NEDD8: variants seen among roughly 807,000 people sequenced by gnomAD.
The protein encoded by NEDD8 is ubiquitin-like protein NEDD8.
In NEDD8, 1 loss-of-function variant was observed where a neutral mutation model predicts 13.8. The observed-to-expected ratio is 0.07, with a 90% CI of 0.03 to 0.34. The LOEUF is 0.34. Among genes scored for constraint, NEDD8 ranks in the 10% least tolerant of loss-of-function variants. The pLI is 0.99. For synonymous variants in NEDD8, 31 were observed against 33.2 expected (o/e 0.93, Z 0.23); for missense variants, 10 against 95.2 (o/e 0.10, Z 3.73).
Position 24,218,367 on chromosome 14 carries a change from A to G in NEDD8, c.66+17T>C. 2 of 1,614,208 alleles carry G rather than the reference A, an allele frequency of 1.2e-6. No individual in the cohort carries two copies. The highest frequency in any genetic ancestry group is 1.7e-6 in the Non-Finnish European group (2 of 1,180,040). ...ACATGGCAAGAAGTACATGAAGAGG[A>G]GTTGGGCATGCATCACCTTGTCTGT... On this transcript the variant is annotated intron_variant, in intron 2 of 3. Coordinates refer to ENST00000250495, the MANE Select transcript of NEDD8 (RefSeq NM_006156.3).
intron 3 of NEDD8, chr14:24,217,804 C>T (rs561327002): frequency 3.9e-5 from 9 of 230,510 alleles, no homozygotes; most frequent in African/African-American, 1.6e-4. Context: ...TTATAGGTAT[C>T]TTGAAAATAT....
intron 3 of NEDD8, chr14:24,217,682 A>C: frequency 6.0e-6 from 1 of 167,816 alleles, no homozygotes; most frequent in South Asian, 1.4e-4. Flanking sequence ...CTAACCCCCA[A>C]CTGAAATTTA....
At chr14:24,220,992 G>A (rs954085028) in intron 1 of NEDD8, among the ~76,000 whole-genome samples, 1 of 152,204 alleles carries the variant, frequency 6.6e-6, no homozygotes, top group Non-Finnish European at 1.5e-5. Context: ...TTTAGTACTA[G>A]TATGTTTCCA....
intron 1 of NEDD8, chr14:24,218,873 C>T (rs904034579): frequency 2.3e-5 from 5 of 215,600 alleles, no homozygotes; most frequent in East Asian, 1.3e-4. Flanking sequence ...CAGCCTCCCA[C>T]GTAGCTGGGA....
At chr14:24,222,243 T>C (rs2039821177) in intron 1 of NEDD8, among the ~76,000 whole-genome samples, 1 of 152,106 alleles carries the variant, frequency 6.6e-6, no homozygotes, top group South Asian at 2.1e-4. Context: ...GGTACAATCA[T>C]AGAAAAAAAA....
At chr14:24,219,328 C>A (rs1020256133) in intron 1 of NEDD8, among the ~76,000 whole-genome samples, 8 of 150,830 alleles carry the variant, frequency 5.3e-5, no homozygotes, top group Admixed American at 1.3e-4. Flanking sequence ...ACAACAACAA[C>A]AAAAATTAGC....
At chr14:24,218,843 T>G (rs568631607) in intron 1 of NEDD8, 1 of 228,500 alleles carries the variant, frequency 4.4e-6, no homozygotes, top group East Asian at 1.3e-4. Flanking sequence ...GCCTCCCAGG[T>G]TCAACCAATT....
At chr14:24,229,860 C>A (rs920681309) in intron 1 of NEDD8, among the ~76,000 whole-genome samples, 1 of 152,078 alleles carries the variant, frequency 6.6e-6, no homozygotes, top group Non-Finnish European at 1.5e-5. Context: ...ATCACTAGGT[C>A]AAGAGATCGA....
intron 1 of NEDD8, chr14:24,227,931 C>G (rs1250469369): frequency 6.6e-6 from 1 of 152,032 alleles, no homozygotes; most frequent in East Asian, 1.9e-4. Context: ...CCCACCTCTA[C>G]TAAAAATACA....
intron 1 of NEDD8, among the ~76,000 whole-genome samples, chr14:24,223,260 A>G (rs1455437330): frequency 3.3e-5 from 5 of 151,634 alleles, no homozygotes; most frequent in Non-Finnish European, 4.4e-5. Context: ...AGCCAGGCAT[A>G]GTGGCACAGG....
intron 1 of NEDD8, among the ~76,000 whole-genome samples, chr14:24,220,638 G>A (rs2039791147): frequency 6.6e-6 from 1 of 152,186 alleles, no homozygotes; most frequent in Non-Finnish European, 1.5e-5. Flanking sequence ...CACTTTCTAA[G>A]GGTCAGTAAC....
chr14:24,221,259 C>G (rs548703133), intron 1 of NEDD8, among the ~76,000 whole-genome samples: 34 of 151,440 alleles, frequency 2.2e-4, no homozygotes, highest in African/African-American at 8.2e-4. Context: ...GTTTGTAATT[C>G]TGTGTTGTCC....
chr14:24,232,220 G>A (rs779330503), intron 1 of NEDD8, 30 bp downstream of exon 1: 20 of 1,613,962 alleles, frequency 1.2e-5, no homozygotes, highest in Non-Finnish European at 1.7e-5. Flanking sequence ...CAGTACTACT[G>A]CGTCTTGGCA....
At chr14:24,229,801 C>T (rs1298726270) in intron 1 of NEDD8, among the ~76,000 whole-genome samples, 1 of 152,132 alleles carries the variant, frequency 6.6e-6, no homozygotes, top group African/African-American at 2.4e-5. Context: ...ACAGGCCGGG[C>T]GCGGTGGCTC....
At chr14:24,218,728 T>C (rs2039750235) in intron 1 of NEDD8, 5 of 483,172 alleles carry the variant, frequency 1.0e-5, no homozygotes, top group Middle Eastern at 5.5e-4. Context: ...TTATTTTAGA[T>C]GATACGGCAA....
chr14:24,220,111 C>T (rs17093933), intron 1 of NEDD8, among the ~76,000 whole-genome samples: 2,735 of 152,312 alleles, frequency 0.018, 76 homozygotes, highest in African/African-American at 0.063. Context: ...TGCACTCCAG[C>T]AATGTATAAA....
In NEDD8 at chr14:24,217,118, G is replaced by C; in HGVS notation, c.*9C>G. The C allele has an allele frequency of 6.2e-7, 1 of 1,607,314 alleles. No individual in the cohort carries two copies. The highest frequency in any genetic ancestry group is 8.5e-7 in the Non-Finnish European group (1 of 1,175,400). ...AGCGACAGGGTAAAGAGGTAAAATG[G>C]AGGGTCCATCACTGCCTAAGACCAC... On this transcript the variant is annotated 3_prime_UTR_variant, in exon 4 of 4. Coordinates refer to ENST00000250495, the MANE Select transcript of NEDD8 (RefSeq NM_006156.3).
intron 1 of NEDD8, among the ~76,000 whole-genome samples, chr14:24,219,344 A>G (rs2138882472): frequency 6.6e-6 from 1 of 151,776 alleles, no homozygotes. Context: ...TTAGCTGAGT[A>G]CAGTGGTGCA....
At chr14:24,231,355 GAGA>G (rs1369026861) in intron 1 of NEDD8, among the ~76,000 whole-genome samples, 1 of 152,184 alleles carries the variant, frequency 6.6e-6, no homozygotes, top group African/African-American at 2.4e-5. Context: ...GACTGGGGAA[GAGA>G]AGGTTAAGAA....
Sources: gnomAD v4.1 joint callset for allele counts (sites outside exome capture counted in the v4.1 genomes callset) on GRCh38, gnomAD v4.1.1 for gene constraint, MANE v1.5 for transcripts, NCBI Gene and HGNC (gene_info 2026-07-23, HGNC 2026-07-21) for gene names.